Variants in NPAS3 observed in about 807,000 individuals in gnomAD.
NPAS3 encodes neuronal PAS domain-containing protein 3.
Under a neutral mutation model 73.1 loss-of-function variants are expected in NPAS3, and 14 were observed. That is an observed-to-expected ratio of 0.19 (90% confidence interval 0.13 to 0.30). The LOEUF (loss-of-function observed/expected upper bound fraction) is 0.30. Ranked by LOEUF, NPAS3 falls within the 10% of genes least tolerant of loss-of-function variation. The pLI, the probability that NPAS3 is intolerant of heterozygous loss-of-function variation, is 1.00. For missense variants in NPAS3, 1,096 were observed against 1,250.0 expected (o/e 0.88, Z 1.86); for synonymous variants, 620 against 541.5 (o/e 1.14, Z -2.01).
chr14:33,298,224 A>C (rs952234468), intron 3 of NPAS3, among the ~76,000 whole-genome samples: 6 of 152,178 alleles, frequency 3.9e-5, no homozygotes, highest in African/African-American at 1.4e-4. Context: ...TGGAGGTTGC[A>C]GTGAGCCAAG....
chr14:33,516,227 T>A (rs939890524), intron 4 of NPAS3, among the ~76,000 whole-genome samples: 3 of 152,162 alleles, frequency 2.0e-5, no homozygotes, highest in African/African-American at 7.2e-5. Context: ...GTGTTTTACT[T>A]TCCTCTGGTA....
chr14:33,123,876 T>C (rs1360976742), intron 2 of NPAS3, among the ~76,000 whole-genome samples: 1 of 150,222 alleles, frequency 6.7e-6, no homozygotes, highest in Non-Finnish European at 1.5e-5. Context: ...TTTTTTTTTT[T>C]TTTGAGACAA....
chr14:33,442,524 T>A (rs1188782518), intron 4 of NPAS3, among the ~76,000 whole-genome samples: 2 of 152,046 alleles, frequency 1.3e-5, no homozygotes, highest in Non-Finnish European at 2.9e-5. Context: ...TTGTGGGAGG[T>A]AATTGAATCA....
chr14:33,228,210 T>A (rs982756615), intron 3 of NPAS3, among the ~76,000 whole-genome samples: 5 of 152,232 alleles, frequency 3.3e-5, no homozygotes, highest in Non-Finnish European at 7.3e-5. Flanking sequence ...TAGCTCAACA[T>A]GCACAGTTTT....
Position 33,345,683 on chromosome 14 carries a change from ACT to A in NPAS3, c.386-21500_386-21499del, listed in dbSNP as rs1287415393. Among the ~76,000 whole-genome samples, 5 of 152,078 alleles carry A rather than the reference ACT, an allele frequency of 3.3e-5. No individual in the cohort carries two copies. In the East Asian group the frequency reaches 9.6e-4, roughly 29 times the overall value. On this transcript the variant is annotated intron_variant, in intron 3 of 11. Coordinates refer to ENST00000356141, the Ensembl canonical transcript of NPAS3. ...AAGGATACAGAATTAAACTTTTATG[ACT>A]CTGCCTGGAGCACATGAGCTGGTGT...
At chr14:33,414,522 C>G (rs1452044207) in intron 4 of NPAS3, among the ~76,000 whole-genome samples, 1 of 152,096 alleles carries the variant, frequency 6.6e-6, no homozygotes, top group Admixed American at 6.6e-5. Context: ...CTGCTCATTA[C>G]TCCTATCTTT....
chr14:33,062,042 TGAGGCTGGA>T (rs138572971), intron 2 of NPAS3, among the ~76,000 whole-genome samples: 2,585 of 151,666 alleles, frequency 0.017, 59 homozygotes, highest in African/African-American at 0.058. Context: ...TGACAGGAGG[TGAGGCTGGA>T]GAGGAAGGGA....
At chr14:32,991,151 T>A (rs1362457872) in intron 1 of NPAS3, among the ~76,000 whole-genome samples, 4 of 151,744 alleles carry the variant, frequency 2.6e-5, no homozygotes, top group Non-Finnish European at 4.4e-5. Context: ...TTTAATTTTT[T>A]TTTTTGTAGA....
chr14:33,800,630 G>A lies in NPAS3; in HGVS notation c.2323G>A (p.Gly775Ser), dbSNP rs1017469229. Residue 775 changes from glycine (G) to serine (S), a missense_variant, in exon 12 of 12, where the codon GGC becomes AGC. Around this residue, in one of 5 missense-constraint regions of NPAS3, gnomAD observed 698 missense variants for 676.7 expected, o/e 1.03. Coordinates refer to ENST00000356141, the Ensembl canonical transcript of NPAS3. The surrounding 1 kb of genome is among the most constrained non-coding windows in gnomAD (Gnocchi z 6.5). The stretch of plus-strand genomic sequence containing the variant: ...CGGGGGCGGGGGCGGCGGCGCGGGG[G>A]GCGGCGGCCCCAGCGCGTCCAACTC... 7.2e-7 allele frequency: 1 copy of A among 1,389,116 alleles called. No individual in the cohort carries two copies. The highest frequency in any genetic ancestry group is 1.7e-5 in the South Asian group (1 of 57,764). The allele number at this position is 1,389,116 out of a possible 1,614,324, so 86.0% of individuals were successfully genotyped here.
chr14:33,086,673 A>G (rs1406545354), intron 2 of NPAS3, among the ~76,000 whole-genome samples: 2 of 152,172 alleles, frequency 1.3e-5, no homozygotes, highest in Non-Finnish European at 2.9e-5. Flanking sequence ...CCTAAAATGA[A>G]TTCTAATATT....
At chr14:33,016,895 G>A (rs1326068766) in intron 1 of NPAS3, among the ~76,000 whole-genome samples, 1 of 152,018 alleles carries the variant, frequency 6.6e-6, no homozygotes, top group South Asian at 2.1e-4. Flanking sequence ...GGAACAGATG[G>A]TATAATGTTA....
intron 3 of NPAS3, among the ~76,000 whole-genome samples, chr14:33,304,136 T>TGATTC (rs2042665572): frequency 6.6e-6 from 1 of 152,220 alleles, no homozygotes; most frequent in South Asian, 2.1e-4. Flanking sequence ...TTTTTATTAA[T>TGATTC]GATTCATCTT....
chr14:33,114,357 TA>T (rs2042992336), intron 2 of NPAS3, among the ~76,000 whole-genome samples: 1 of 152,118 alleles, frequency 6.6e-6, no homozygotes, highest in Non-Finnish European at 1.5e-5. Context: ...TTTTTAATGT[TA>T]TTCAGCACAA....
chr14:33,728,765 A>G (rs2061333856), intron 6 of NPAS3, among the ~76,000 whole-genome samples: 1 of 152,172 alleles, frequency 6.6e-6, no homozygotes, highest in Non-Finnish European at 1.5e-5. Context: ...ATTCTGGGAG[A>G]AATCAGGCCA....
At chr14:33,157,889 G>A (rs1300992781) in intron 2 of NPAS3, among the ~76,000 whole-genome samples, 1 of 152,140 alleles carries the variant, frequency 6.6e-6, no homozygotes, top group African/African-American at 2.4e-5. Flanking sequence ...TGTGGTTTTT[G>A]TGAAGATTAC....
At chr14:33,476,047 A>G (rs1240445892) in intron 4 of NPAS3, among the ~76,000 whole-genome samples, 1 of 152,014 alleles carries the variant, frequency 6.6e-6, no homozygotes, top group Non-Finnish European at 1.5e-5. Context: ...TGCCTTACAG[A>G]CTCCCTAAAA....
At chr14:33,373,558 G>A (rs899719153) in intron 4 of NPAS3, among the ~76,000 whole-genome samples, 4 of 152,066 alleles carry the variant, frequency 2.6e-5, no homozygotes, top group African/African-American at 9.7e-5. Flanking sequence ...GTACCAACAT[G>A]TTTGTACATA....
At chr14:33,301,324 T>TA (rs56204986) in intron 3 of NPAS3, among the ~76,000 whole-genome samples, 4,349 of 75,402 alleles carry the variant, frequency 0.058, 545 homozygotes, top group Non-Finnish European at 0.08. Flanking sequence ...ATATATATAT[T>TA]TTTTTTTTTT....
chr14:33,360,955 A>AGCAG (rs1250256116), intron 3 of NPAS3, among the ~76,000 whole-genome samples: 4 of 152,046 alleles, frequency 2.6e-5, no homozygotes, highest in African/African-American at 7.2e-5. Context: ...CACTCCAAAC[A>AGCAG]GCAGCTTAAC....
Sources: gnomAD v4.1 joint callset for allele counts (sites outside exome capture counted in the v4.1 genomes callset) on GRCh38, gnomAD v4.1.1 for gene constraint, gnomAD v4.1.1 regional missense constraint, Gnocchi (gnomAD v3.1) non-coding constraint, MANE v1.5 for transcripts, NCBI Gene and HGNC (gene_info 2026-07-23, HGNC 2026-07-21) for gene names.